The following NRXN3 variants were observed in gnomAD, a reference collection of about 807,000 sequenced individuals.
NRXN3 encodes the protein neurexin 3, also known as neurexin III.
NRXN3 carries 32 observed loss-of-function variants against 137.6 expected under a neutral mutation model. That is an observed-to-expected ratio of 0.23 (90% CI 0.18 to 0.31). The LOEUF is 0.31. Ranked by LOEUF, NRXN3 falls within the 10% of genes least tolerant of loss-of-function variation. The pLI is 1.00. For synonymous variants in NRXN3, 798 were observed against 784.5 expected (o/e 1.02, Z -0.29); for missense variants, 1,574 against 2,062.5 (o/e 0.76, Z 4.59).
intron 4 of NRXN3, among the ~76,000 whole-genome samples, chr14:78,555,372 C>T (rs2152229261): frequency 6.6e-6 from 1 of 152,248 alleles, no homozygotes; most frequent in East Asian, 1.9e-4. Flanking sequence ...AGGTTTACAA[C>T]TACAGAGGAA....
At chr14:78,268,113 G>A (rs949217929) in intron 2 of NRXN3, among the ~76,000 whole-genome samples, 2 of 152,174 alleles carry the variant, frequency 1.3e-5, no homozygotes, top group African/African-American at 4.8e-5. Context: ...TGAGGGGATT[G>A]AGGGGGAATT....
intron 4 of NRXN3, among the ~76,000 whole-genome samples, chr14:78,460,532 G>A (rs1178788496): frequency 6.6e-6 from 1 of 152,178 alleles, no homozygotes; most frequent in Non-Finnish European, 1.5e-5. Flanking sequence ...TTTTGGGAGG[G>A]GGTATAGGAA....
rs371576038 is a variant in NRXN3, at chr14:79,631,695, T to C, written c.3445-32083T>C. Among the ~76,000 whole-genome samples the C allele has an allele frequency of 1.0e-3, 155 of 152,270 alleles. 7 individuals carry two copies. In the South Asian group the frequency reaches 0.031, roughly 31 times the overall value. On this transcript the variant is annotated intron_variant, in intron 16 of 20. Coordinates refer to ENST00000335750, the MANE Select transcript of NRXN3 (RefSeq NM_001330195.2). ...GACCTGGACAACTTTTCTGTCTAGC[T>C]AAAGGTTTGTAAACACCCAATCAGC...
chr14:78,760,446 G>A (rs1276559481), intron 8 of NRXN3, among the ~76,000 whole-genome samples: 4 of 148,754 alleles, frequency 2.7e-5, no homozygotes, highest in Middle Eastern at 6.8e-3. Context: ...TATATATAGC[G>A]AATGAATAAA....
intron 16 of NRXN3, among the ~76,000 whole-genome samples, chr14:79,540,903 AT>A (rs529477681): frequency 6.0e-5 from 9 of 150,976 alleles, no homozygotes; most frequent in African/African-American, 1.2e-4. Flanking sequence ...TCAAACAAAG[AT>A]TTTTTTTTTC....
At chr14:79,084,728 C>G (rs1255566535) in intron 15 of NRXN3, among the ~76,000 whole-genome samples, 1 of 152,064 alleles carries the variant, frequency 6.6e-6, no homozygotes, top group Non-Finnish European at 1.5e-5. Flanking sequence ...TGTTATTTCT[C>G]CAGTCATCAA....
chr14:78,300,909 C>T (rs1479828882), intron 4 of NRXN3, among the ~76,000 whole-genome samples: 1 of 152,210 alleles, frequency 6.6e-6, no homozygotes, highest in African/African-American at 2.4e-5. Context: ...GTTGGCCTGC[C>T]TCCCTCTAAA....
chr14:78,957,014 AT>A (rs2099398068), intron 10 of NRXN3, among the ~76,000 whole-genome samples: 1 of 152,116 alleles, frequency 6.6e-6, no homozygotes, highest in Admixed American at 6.5e-5. Context: ...AGAAGGCACT[AT>A]TTTTTTCATT....
chr14:78,645,569 ATTTCAC>A (rs1256043223), intron 5 of NRXN3, 148 bp downstream of exon 5: 34 of 544,882 alleles, frequency 6.2e-5, no homozygotes, highest in Non-Finnish European at 1.0e-4. Flanking sequence ...AGTCTTTGCA[ATTTCAC>A]GTGGAAAATT....
chr14:79,802,832 T>C (rs780422794), intron 19 of NRXN3, among the ~76,000 whole-genome samples: 3 of 151,908 alleles, frequency 2.0e-5, no homozygotes, highest in Admixed American at 6.6e-5. Flanking sequence ...TTGCTGGAAC[T>C]GAAATGAACA....
intron 15 of NRXN3, among the ~76,000 whole-genome samples, chr14:79,182,366 G>A (rs1451855918): frequency 6.6e-6 from 1 of 151,610 alleles, no homozygotes; most frequent in Non-Finnish European, 1.5e-5. Flanking sequence ...TGTTGAATGA[G>A]TCGGAGCCCT....
In NRXN3 at chr14:79,470,099, A is replaced by G. The variant is rs115602433; in HGVS notation, c.3444+2697A>G. On this transcript the variant is annotated intron_variant, in intron 16 of 20. Transcript: ENST00000335750. ...AAAGAAAATTACTGAAGAGAGAAAG[A>G]GCTTTGGGGCCATTAATGAAAGTGG... 1.5e-3 allele frequency among the ~76,000 whole-genome samples: 231 copies of G among 152,240 alleles called. 1 individual carries two copies. The highest frequency in any genetic ancestry group is 5.4e-3 in the African/African-American group (226 of 41,538).
chr14:78,441,767 G>C (rs2094257655), intron 4 of NRXN3, among the ~76,000 whole-genome samples: 1 of 152,136 alleles, frequency 6.6e-6, no homozygotes, highest in Non-Finnish European at 1.5e-5. Context: ...TCCTGGATTA[G>C]CCAGACGGCC....
chr14:79,808,836 G>A (rs2099220994), intron 20 of NRXN3, among the ~76,000 whole-genome samples: 1 of 152,010 alleles, frequency 6.6e-6, no homozygotes, highest in Non-Finnish European at 1.5e-5. Flanking sequence ...TTTTTAAACT[G>A]CTGGTTTTGA....
intron 1 of NRXN3, among the ~76,000 whole-genome samples, chr14:78,185,019 TG>T (rs1230158836): frequency 2.0e-5 from 3 of 152,356 alleles, no homozygotes; most frequent in African/African-American, 7.2e-5. Context: ...GAATGCCTTC[TG>T]CAAAGCCACT....
At chr14:78,488,814 A>G (rs2095612466) in intron 4 of NRXN3, among the ~76,000 whole-genome samples, 3 of 145,062 alleles carry the variant, frequency 2.1e-5, no homozygotes, top group Admixed American at 7.0e-5. Flanking sequence ...GAGATAAAGG[A>G]GGAGAGGAGA....
chr14:79,086,770 T>G (rs1196319481), intron 15 of NRXN3, among the ~76,000 whole-genome samples: 2 of 152,216 alleles, frequency 1.3e-5, no homozygotes, highest in Admixed American at 6.5e-5. Context: ...GAAACAAGTT[T>G]GGACTTCCGT....
At chr14:79,559,308 T>C (rs1271418985) in intron 16 of NRXN3, among the ~76,000 whole-genome samples, 1 of 152,172 alleles carries the variant, frequency 6.6e-6, no homozygotes, top group Non-Finnish European at 1.5e-5. Context: ...TTCTAGCTTT[T>C]TGTTTAAAGT....
intron 14 of NRXN3, among the ~76,000 whole-genome samples, chr14:78,977,138 G>C (rs142764538): frequency 6.6e-6 from 1 of 152,276 alleles, no homozygotes; most frequent in East Asian, 1.9e-4. Flanking sequence ...ACTAGTAAGT[G>C]ATTAAACTGG....
Sources: allele counts gnomAD v4.1 joint callset (sites outside exome capture counted in the v4.1 genomes callset), GRCh38; gene constraint gnomAD v4.1.1; transcripts MANE v1.5; gene names NCBI Gene and HGNC (gene_info 2026-07-23, HGNC 2026-07-21).